Variants in ATE1 observed in about 807,000 individuals in gnomAD.
ATE1 encodes the protein arginyl-tRNA--protein transferase 1.
Under a neutral mutation model 70.5 loss-of-function variants are expected in ATE1, and 36 were observed. The observed-to-expected ratio is 0.51, with a 90% CI of 0.39 to 0.67. The LOEUF is 0.67. Among genes scored for constraint, ATE1 ranks in the 30% least tolerant of loss-of-function variants. The probability of loss-of-function intolerance (pLI) is 0.00; values close to 1 mark genes in which losing one functional copy is unlikely to be tolerated. For missense variants in ATE1, 593 were observed against 629.5 expected (o/e 0.94, Z 0.62); for synonymous variants, 232 against 219.3 (o/e 1.06, Z -0.51).
intron 10 of ATE1, among the ~76,000 whole-genome samples, chr10:121,822,364 G>A (rs1305393489): frequency 1.3e-5 from 2 of 152,198 alleles, no homozygotes; most frequent in East Asian, 3.8e-4. Flanking sequence ...AGTGAGAACA[G>A]TGGTTACCTT....
At position 121,902,604 on chromosome 10, in the gene ATE1, C is replaced by G; in HGVS notation, c.600G>C (p.Leu200Phe). Residue 200 changes from leucine (L) to phenylalanine (F), a missense_variant, in exon 6 of 12, where the codon TTG becomes TTC. Physicochemically the swap from Leu to Phe is conservative, Grantham distance 22. Around this residue, in one of 3 missense-constraint regions of ATE1, gnomAD observed 467 missense variants for 469.6 expected, o/e 0.99. Coordinates refer to ENST00000224652, the MANE Select transcript of ATE1 (RefSeq NM_001001976.3). ...TVPKPGKGADLSKPPCRKAKE... is the reference protein window; with the variant it reads ...TVPKPGKGADFSKPPCRKAKE... ...TTGCTTTTCGACATGGAGGCTTACTCAAATCAGCCCCTTTGCCTAAAAAGA... is the reference window on the plus strand; with the variant it reads ...TTGCTTTTCGACATGGAGGCTTACTGAAATCAGCCCCTTTGCCTAAAAAGA... 1 of 1,610,436 alleles carries G rather than the reference C, an allele frequency of 6.2e-7. No individual in the cohort carries two copies. The highest frequency in any genetic ancestry group is 1.3e-5 in the African/African-American group (1 of 74,918).
intron 10 of ATE1, among the ~76,000 whole-genome samples, chr10:121,829,296 G>A (rs1040823946): frequency 3.3e-5 from 5 of 152,026 alleles, no homozygotes; most frequent in East Asian, 1.9e-4. Context: ...GGTGGCGTGC[G>A]CCTGTAGTCC....
intron 11 of ATE1, among the ~76,000 whole-genome samples, chr10:121,763,068 G>GT (rs909476305): frequency 6.6e-5 from 10 of 152,186 alleles, no homozygotes; most frequent in Non-Finnish European, 1.0e-4. Flanking sequence ...AATTCACATT[G>GT]TTTTTATCAG....
At position 121,913,889 on chromosome 10, in the gene ATE1, G is replaced by A. The variant is rs745899377; in HGVS notation, c.238C>T (p.Arg80Ter). Reference sequence around the variant, plus strand: ...TTTGAAGGCTGAAATTGTAAAGGTCGGCACCTAGGAAAGCAAAATAAATAT... The same window carrying A: ...TTTGAAGGCTGAAATTGTAAAGGTCAGCACCTAGGAAAGCAAAATAAATAT... ...TCCPQYTIRC[R>*]PLQFQPSKSH... The change falls in exon 4 of 12, where the codon CGA becomes TGA. Residue 80 changes from arginine to a stop codon, truncating the protein, a stop_gained. Transcript: ENST00000224652. LOFTEE classifies it high-confidence loss of function. The A allele has an allele frequency of 1.9e-6, 3 of 1,602,788 alleles. No individual in the cohort carries two copies. Among genetic ancestry groups the A allele is most frequent in the South Asian group, 2.2e-5 (2 of 89,130 alleles).
At chr10:121,926,702 T>C (rs1164382733) in intron 1 of ATE1, 2 of 983,858 alleles carry the variant, frequency 2.0e-6, no homozygotes, top group Admixed American at 1.2e-4. Flanking sequence ...AAAGAGAAGG[T>C]AGAAATCCAC....
At chr10:121,924,480 C>G in intron 1 of ATE1, 151 bp from the exon 2 acceptor site, 1 of 668,462 alleles carries the variant, frequency 1.5e-6, no homozygotes, top group South Asian at 1.8e-5. Flanking sequence ...GCGGGCAAAT[C>G]ACAAGGTCAG....
chr10:121,874,554 T>C (rs1332755161), intron 7 of ATE1, among the ~76,000 whole-genome samples: 1 of 146,498 alleles, frequency 6.8e-6, no homozygotes, highest in East Asian at 1.9e-4. Flanking sequence ...AACCTATTAG[T>C]GGGGAGTAAA....
intron 11 of ATE1, among the ~76,000 whole-genome samples, chr10:121,781,173 T>C (rs1945971193): frequency 6.4e-5 from 1 of 15,600 alleles, no homozygotes; most frequent in South Asian, 4.8e-3. Flanking sequence ...CCTCAGTCTG[T>C]ACTTTTTTTT....
rs560113374 is a variant in ATE1, at chr10:121,745,183, T to C, written c.1379-1325A>G. ...TATTACTGGCAGTCACTCCTAATCCTAAAGAATATAGAGAATAATGTTACA... is the reference window on the plus strand; with the variant it reads ...TATTACTGGCAGTCACTCCTAATCCCAAAGAATATAGAGAATAATGTTACA... On this transcript the variant is annotated intron_variant, in intron 11 of 11. Coordinates refer to ENST00000224652, the MANE Select transcript of ATE1 (RefSeq NM_001001976.3). Among the ~76,000 whole-genome samples the C allele has an allele frequency of 1.1e-4, 17 of 152,344 alleles. No individual in the cohort carries two copies. In the South Asian group the frequency reaches 3.1e-3, roughly 28 times the overall value.
At chr10:121,869,288 T>G (rs981255403) in intron 8 of ATE1, among the ~76,000 whole-genome samples, 3 of 152,250 alleles carry the variant, frequency 2.0e-5, no homozygotes, top group Admixed American at 1.3e-4. Flanking sequence ...GTTTCGGTTC[T>G]AAGTCCCACC....
intron 3 of ATE1, among the ~76,000 whole-genome samples, chr10:121,920,498 C>A (rs1322699986): frequency 2.0e-5 from 3 of 151,208 alleles, no homozygotes; most frequent in Non-Finnish European, 2.9e-5. Context: ...CTACTGCATT[C>A]CAGCCTGAGC....
intron 7 of ATE1, among the ~76,000 whole-genome samples, chr10:121,893,912 C>T (rs985915132): frequency 2.0e-5 from 3 of 151,926 alleles, no homozygotes; most frequent in South Asian, 2.1e-4. Context: ...CCGAGGCAGG[C>T]GGATCACCTG....
At position 121,870,027 on chromosome 10, in the gene ATE1, G is replaced by A; in HGVS notation, c.954C>T (p.Phe318=). The A allele has an allele frequency of 6.2e-7, 1 of 1,610,560 alleles. No individual in the cohort carries two copies. Among genetic ancestry groups the A allele is most frequent in the African/African-American group, 1.3e-5 (1 of 74,944 alleles). The part of the protein sequence containing the change: ...DTPTESQFTR[F]LCSSPLEAET... ...TTACCTCCAAGGGTGAACTGCAAAG[G>A]AATCTTGTGAACTGCAGTCAAATTT... Residue 318 remains phenylalanine (F), a synonymous_variant, in exon 8 of 12, where the codon TTC becomes TTT. Coordinates refer to ENST00000224652, the MANE Select transcript of ATE1 (RefSeq NM_001001976.3).
chr10:121,911,920 G>A (rs1267240625), intron 4 of ATE1, among the ~76,000 whole-genome samples: 1 of 152,000 alleles, frequency 6.6e-6, no homozygotes, highest in Non-Finnish European at 1.5e-5. Flanking sequence ...TTAATTTTTT[G>A]CATTTTTAAT....
intron 6 of ATE1, 59 bp downstream of exon 6, chr10:121,902,332 G>A (rs991709676): frequency 2.0e-5 from 28 of 1,433,472 alleles, no homozygotes; most frequent in Non-Finnish European, 2.6e-5. Flanking sequence ...AAAAATAAAC[G>A]ATATGCCCAA....
intron 10 of ATE1, among the ~76,000 whole-genome samples, chr10:121,791,892 C>T (rs1198472117): frequency 6.6e-6 from 1 of 152,180 alleles, no homozygotes; most frequent in Non-Finnish European, 1.5e-5. Context: ...ACAAAGAATA[C>T]AGCCTAAGAG....
In ATE1 at chr10:121,924,020, G is replaced by A. The variant is rs140885938; in HGVS notation, c.170+246C>T. Among the ~76,000 whole-genome samples, 39 of 152,282 alleles carry A rather than the reference G, an allele frequency of 2.6e-4. 1 individual carries two copies. The East Asian group carries it at 6.4e-3, about 25-fold the overall frequency. ...GAGAATCAAACATGATTGGCAGAAC[G>A]TTAATAACTGCTGAAGCTTAGTGAT... On this transcript the variant is annotated intron_variant, in intron 2 of 11. Transcript: ENST00000224652.
intron 11 of ATE1, chr10:121,782,454 T>A (rs1039209055): frequency 1.3e-5 from 2 of 152,254 alleles, no homozygotes. Flanking sequence ...TAATCATTCA[T>A]TAACTGTCAG....
At chr10:121,798,009 T>A (rs774443388) in intron 10 of ATE1, among the ~76,000 whole-genome samples, 3 of 152,252 alleles carry the variant, frequency 2.0e-5, no homozygotes, top group Non-Finnish European at 4.4e-5. Context: ...AGTAAATAAC[T>A]ACTGGGTGAA....
Sources: allele counts gnomAD v4.1 joint callset (sites outside exome capture counted in the v4.1 genomes callset), GRCh38; gene constraint gnomAD v4.1.1; regional missense constraint gnomAD v4.1.1; transcripts MANE v1.5; gene names NCBI Gene and HGNC (gene_info 2026-07-23, HGNC 2026-07-21).